The following THSD7B variants were observed in gnomAD, a reference collection of about 807,000 sequenced individuals.
The protein encoded by THSD7B is thrombospondin type-1 domain-containing protein 7B.
THSD7B carries 138 observed loss-of-function variants against 213.6 expected under a neutral mutation model. The ratio of observed to expected loss-of-function variants is 0.65; its 90% confidence interval spans 0.56 to 0.74. THSD7B has a LOEUF of 0.74. THSD7B is among the 30% of genes least tolerant of loss of function. The probability of loss-of-function intolerance (pLI) is 0.00; values close to 1 mark genes in which losing one functional copy is unlikely to be tolerated. For missense variants in THSD7B, 1,931 were observed against 1,991.5 expected (o/e 0.97, Z 0.58); for synonymous variants, 742 against 687.0 (o/e 1.08, Z -1.25).
intron 12 of THSD7B, among the ~76,000 whole-genome samples, chr2:137,276,420 A>T (rs1349112007): frequency 2.0e-5 from 3 of 152,132 alleles, no homozygotes; most frequent in Admixed American, 2.0e-4. Context: ...TGAAAGAATA[A>T]CTGAATGAAT....
chr2:137,207,206 T>C (rs1681005819), intron 7 of THSD7B, among the ~76,000 whole-genome samples: 1 of 152,104 alleles, frequency 6.6e-6, no homozygotes, highest in Non-Finnish European at 1.5e-5. Context: ...TGTTAACAAC[T>C]TGACCAGGTA....
intron 2 of THSD7B, among the ~76,000 whole-genome samples, chr2:136,942,844 C>T (rs1052393002): frequency 6.6e-6 from 1 of 152,182 alleles, no homozygotes; most frequent in African/African-American, 2.4e-5. Flanking sequence ...CCATTTATTT[C>T]TTTCTCCTGC....
rs1450894850 is a variant in THSD7B, at chr2:137,428,763, T to C, written c.2959+16891T>C. Among the ~76,000 whole-genome samples, 6 of 152,314 alleles carry C rather than the reference T, an allele frequency of 3.9e-5. No individual in the cohort carries two copies. In the East Asian group the frequency reaches 1.2e-3, roughly 29 times the overall value. ...CTAATTTACTTCTATGGTCTGAATGTGTATGTCCTCCAAAATTTATATATT... is the reference window on the plus strand; with the variant it reads ...CTAATTTACTTCTATGGTCTGAATGCGTATGTCCTCCAAAATTTATATATT... On this transcript the variant is annotated intron_variant, in intron 14 of 27. Coordinates refer to ENST00000409968, the MANE Select transcript of THSD7B (RefSeq NM_001316349.2).
At chr2:137,258,296 G>T (rs145955581) in intron 10 of THSD7B, among the ~76,000 whole-genome samples, 2 of 152,044 alleles carry the variant, frequency 1.3e-5, no homozygotes, top group Admixed American at 1.3e-4. Flanking sequence ...TTACATCAAA[G>T]TCTTTACTAA....
At chr2:137,246,979 C>A (rs2105069544) in intron 10 of THSD7B, among the ~76,000 whole-genome samples, 1 of 152,260 alleles carries the variant, frequency 6.6e-6, no homozygotes, top group East Asian at 1.9e-4. Context: ...GCGATAAATT[C>A]TCCATAGGTG....
chr2:136,902,897 C>G (rs144637121), intron 2 of THSD7B, among the ~76,000 whole-genome samples: 102 of 152,268 alleles, frequency 6.7e-4, no homozygotes, highest in African/African-American at 2.3e-3. Flanking sequence ...GAGGAAACTT[C>G]ATTTTAAAAT....
chr2:137,003,771 G>A (rs1258941256), intron 2 of THSD7B, among the ~76,000 whole-genome samples: 2 of 152,082 alleles, frequency 1.3e-5, no homozygotes, highest in African/African-American at 4.8e-5. Context: ...TAATCCTCAG[G>A]TGAAAGGTAT....
At chr2:137,166,171 G>A (rs1414647376) in intron 6 of THSD7B, among the ~76,000 whole-genome samples, 1 of 152,056 alleles carries the variant, frequency 6.6e-6, no homozygotes, top group African/African-American at 2.4e-5. Flanking sequence ...GTCATGACAG[G>A]CAGACAAGGG....
intron 12 of THSD7B, among the ~76,000 whole-genome samples, chr2:137,328,685 G>A (rs1049093835): frequency 5.9e-5 from 9 of 152,178 alleles, no homozygotes; most frequent in African/African-American, 2.2e-4. Flanking sequence ...ATCTTGAATT[G>A]TAGTTCCCAT....
chr2:136,825,994 C>G (rs1682641740), intron 1 of THSD7B, among the ~76,000 whole-genome samples: 1 of 152,136 alleles, frequency 6.6e-6, no homozygotes, highest in Non-Finnish European at 1.5e-5. Context: ...AACATATTCA[C>G]AGGCCCTGGG....
intron 5 of THSD7B, among the ~76,000 whole-genome samples, chr2:137,142,588 A>C (rs2104965719): frequency 6.6e-6 from 1 of 152,228 alleles, no homozygotes; most frequent in African/African-American, 2.4e-5. Flanking sequence ...GATATTATCA[A>C]ATTTTTTGGA....
intron 16 of THSD7B, 86 bp downstream of exon 16, chr2:137,563,440 T>C: frequency 6.7e-7 from 1 of 1,499,022 alleles, no homozygotes; most frequent in Non-Finnish European, 9.1e-7. Flanking sequence ...TTTATCCAAG[T>C]ACACTCTGAT....
At chr2:137,244,320 T>C (rs970168059) in intron 10 of THSD7B, among the ~76,000 whole-genome samples, 1 of 152,216 alleles carries the variant, frequency 6.6e-6, no homozygotes, top group Non-Finnish European at 1.5e-5. Context: ...TAAATTGTTA[T>C]AAGAAGAGAC....
At chr2:137,206,991 G>GAAAA in intron 7 of THSD7B, among the ~76,000 whole-genome samples, 1 of 152,186 alleles carries the variant, frequency 6.6e-6, no homozygotes, top group African/African-American at 2.4e-5. Flanking sequence ...GAGGCTTGTG[G>GAAAA]AAGGTTTTCA....
chr2:137,008,463 G>C (rs944383594), intron 2 of THSD7B, among the ~76,000 whole-genome samples: 1 of 152,144 alleles, frequency 6.6e-6, no homozygotes, highest in Non-Finnish European at 1.5e-5. Flanking sequence ...TTAATTACCT[G>C]TTAGGAAAAT....
At chr2:137,083,522 A>C (rs1428514300) in intron 3 of THSD7B, among the ~76,000 whole-genome samples, 1 of 152,106 alleles carries the variant, frequency 6.6e-6, no homozygotes, top group African/African-American at 2.4e-5. Flanking sequence ...TGGTATATGC[A>C]GGTTTTTTTC....
At chr2:137,438,724 A>G (rs78222644) in intron 14 of THSD7B, among the ~76,000 whole-genome samples, 3,551 of 152,184 alleles carry the variant, frequency 0.023, 146 homozygotes, top group African/African-American at 0.081. Flanking sequence ...TCCATGTGTT[A>G]CATTCTCTTC....
chr2:137,287,876 ATC>A (rs1683222278), intron 12 of THSD7B, among the ~76,000 whole-genome samples: 1 of 152,124 alleles, frequency 6.6e-6, no homozygotes, highest in Admixed American at 6.5e-5. Flanking sequence ...TCACAGAACT[ATC>A]TTCCCTTCAG....
intron 3 of THSD7B, among the ~76,000 whole-genome samples, chr2:137,059,092 G>C (rs1212652850): frequency 1.3e-5 from 2 of 152,102 alleles, no homozygotes; most frequent in African/African-American, 4.8e-5. Context: ...GGTGTGTCTT[G>C]ATTTAGTTCG....
Sources: allele counts gnomAD v4.1 joint callset (sites outside exome capture counted in the v4.1 genomes callset), GRCh38; gene constraint gnomAD v4.1.1; transcripts MANE v1.5; gene names NCBI Gene and HGNC (gene_info 2026-07-23, HGNC 2026-07-21).